Variants in ARMH3 observed in about 807,000 individuals in gnomAD.
ARMH3 encodes armadillo like helical domain containing 3, also known as armadillo-like helical domain-containing protein 3.
Under a neutral mutation model 99.1 loss-of-function variants are expected in ARMH3, and 60 were observed. The ratio of observed to expected loss-of-function variants is 0.61; its 90% CI spans 0.49 to 0.75. The LOEUF (loss-of-function observed/expected upper bound fraction) is 0.75. ARMH3 is among the 30% of genes least tolerant of loss of function. The pLI is 0.00. For missense variants in ARMH3, 679 were observed against 843.1 expected (o/e 0.81, Z 2.41); for synonymous variants, 285 against 292.8 (o/e 0.97, Z 0.27).
chr10:102,011,013 C>G (rs932520701), intron 11 of ARMH3, among the ~76,000 whole-genome samples: 1 of 152,130 alleles, frequency 6.6e-6, no homozygotes, highest in African/African-American at 2.4e-5. Flanking sequence ...TGCCCTAGAG[C>G]TGAATACTTG....
Position 102,013,839 on chromosome 10 carries a change from A to G in ARMH3, c.726+129T>C, listed in dbSNP as rs919656024. On this transcript the variant is annotated intron_variant, in intron 9 of 25. Transcript: ENST00000370033. ...ACTGACGCACTAAAAAGAAATATTA[A>G]TTCCCTCTCTATAACCGGATGAAAT... 8.0e-6 allele frequency: 6 copies of G among 750,438 alleles called. No homozygotes were observed. The African/African-American group carries it at 1.1e-4, about 13-fold the overall frequency. 46.5% of individuals were successfully genotyped at this position (750,438 alleles called of 1,614,324 possible). A position where few individuals can be genotyped will look rare whatever the true frequency, so the allele number is the denominator to read the frequency against.
At chr10:102,043,866 T>C (rs1471284085) in intron 1 of ARMH3, among the ~76,000 whole-genome samples, 2 of 152,204 alleles carry the variant, frequency 1.3e-5, no homozygotes, top group Non-Finnish European at 2.9e-5. Context: ...CCTGAAAGAC[T>C]GTTAGTCACG....
chr10:101,857,832 T>C (rs1484833540), intron 24 of ARMH3, among the ~76,000 whole-genome samples: 1 of 152,210 alleles, frequency 6.6e-6, no homozygotes, highest in Non-Finnish European at 1.5e-5. Context: ...TTATTTCCTC[T>C]GAAAGGACTA....
At chr10:102,020,551 T>G (rs979246028) in intron 8 of ARMH3, among the ~76,000 whole-genome samples, 1 of 151,782 alleles carries the variant, frequency 6.6e-6, no homozygotes, top group African/African-American at 2.4e-5. Flanking sequence ...CCAGGCGTGG[T>G]GGCGGGCGCC....
intron 13 of ARMH3, among the ~76,000 whole-genome samples, chr10:102,008,484 C>T (rs1170233313): frequency 6.6e-6 from 1 of 151,940 alleles, no homozygotes; most frequent in African/African-American, 2.4e-5. Flanking sequence ...GGCATGTGAC[C>T]CATCGCTCAG....
chr10:102,025,412 C>A (rs2066979178), intron 5 of ARMH3, among the ~76,000 whole-genome samples, 164 bp from the exon 6 acceptor site: 1 of 152,242 alleles, frequency 6.6e-6, no homozygotes, highest in South Asian at 2.1e-4. Context: ...AAAGGAGGAC[C>A]TTTTTCTCAG....
intron 23 of ARMH3, among the ~76,000 whole-genome samples, chr10:101,898,603 G>C (rs1295948293): frequency 6.6e-6 from 1 of 152,194 alleles, no homozygotes; most frequent in Non-Finnish European, 1.5e-5. Flanking sequence ...AGGCAGAACA[G>C]GGAAAAACAA....
intron 20 of ARMH3, among the ~76,000 whole-genome samples, chr10:101,968,898 C>T (rs1310422234): frequency 6.6e-6 from 1 of 152,100 alleles, no homozygotes; most frequent in Admixed American, 6.5e-5. Context: ...CCTTCTAATG[C>T]CCCTGAATTA....
At position 101,944,259 on chromosome 10, in the gene ARMH3, TATATATATATATATAGAGAGAGAGAG is replaced by T. The variant is rs1374787962; in HGVS notation, c.1706-4347_1706-4322del. On this transcript the variant is annotated intron_variant, in intron 22 of 25. Transcript: ENST00000370033. ...GCTTGAGCCTATATATATATATATATATATATATATATATAGAGAGAGAGAGAGAGAGAGAGAGAGAGAGAGAGAGA... is the reference window on the plus strand; with the variant it reads ...GCTTGAGCCTATATATATATATATATAGAGAGAGAGAGAGAGAGAGAGAGA... 3.6e-4 allele frequency among the ~76,000 whole-genome samples: 24 copies of T among 65,950 alleles called. No homozygotes were observed. The East Asian group carries it at 7.6e-3, about 21-fold the overall frequency. The allele number at this position is 65,950 out of a possible 152,430, so 43.3% of individuals were successfully genotyped here. A position where few individuals can be genotyped will look rare whatever the true frequency, so the allele number is the denominator to read the frequency against.
Position 102,017,419 on chromosome 10 carries a change from T to C in ARMH3, c.670-3395A>G, listed in dbSNP as rs147224467. ...ATGATTCTCTCCAGTTCCTTGGCCATGTCCAATATTTCAGACTGACATTTC... is the reference window on the plus strand; with the variant it reads ...ATGATTCTCTCCAGTTCCTTGGCCACGTCCAATATTTCAGACTGACATTTC... On this transcript the variant is annotated intron_variant, in intron 8 of 25. Transcript: ENST00000370033. Among the ~76,000 whole-genome samples the C allele has an allele frequency of 8.5e-5, 13 of 152,316 alleles. No homozygotes were observed. In the East Asian group the frequency reaches 2.3e-3, roughly 27 times the overall value.
intron 6 of ARMH3, among the ~76,000 whole-genome samples, chr10:102,024,826 A>T (rs1193606671): frequency 1.3e-5 from 2 of 152,130 alleles, no homozygotes; most frequent in Admixed American, 6.5e-5. Context: ...CTCAAAAAAA[A>T]AAAAAAAAAT....
At chr10:101,962,779 A>G (rs1468341848) in intron 20 of ARMH3, among the ~76,000 whole-genome samples, 1 of 152,176 alleles carries the variant, frequency 6.6e-6, no homozygotes, top group Non-Finnish European at 1.5e-5. Context: ...GCTGAGGTCT[A>G]TGAAACTGTA....
intron 1 of ARMH3, among the ~76,000 whole-genome samples, chr10:102,046,963 T>G (rs1319032053): frequency 6.6e-6 from 1 of 152,142 alleles, no homozygotes; most frequent in Non-Finnish European, 1.5e-5. Context: ...GGTGCCATGG[T>G]AGAAAGTAAA....
Position 102,009,598 on chromosome 10 carries a change from G to A in ARMH3, c.879-149C>T, listed in dbSNP as rs184639782. 562 of 730,760 alleles carry A rather than the reference G, an allele frequency of 7.7e-4. 3 individuals are homozygous for A. The highest frequency in any genetic ancestry group is 3.5e-4 in the Non-Finnish European group (154 of 435,926). The allele number at this position is 730,760 out of a possible 1,614,324, so 45.3% of individuals were successfully genotyped here. A position where few individuals can be genotyped will look rare whatever the true frequency, so the allele number is the denominator to read the frequency against. ...GTTCCCCTTTACTTGCCATTTGGGC[G>A]TATGCAAAAGTGTATAGGCAGGAGT... is the stretch of plus-strand genomic sequence containing the variant. On this transcript the variant is annotated intron_variant, in intron 12 of 25. Coordinates refer to ENST00000370033, the MANE Select transcript of ARMH3 (RefSeq NM_024541.3).
chr10:102,025,808 C>G (rs997769292), intron 5 of ARMH3, among the ~76,000 whole-genome samples: 8 of 152,062 alleles, frequency 5.3e-5, no homozygotes, highest in African/African-American at 1.9e-4. Flanking sequence ...TGCCACCACA[C>G]CCAGGTTTTT....
intron 20 of ARMH3, among the ~76,000 whole-genome samples, chr10:101,971,211 T>C (rs941572717): frequency 6.6e-6 from 1 of 151,886 alleles, no homozygotes; most frequent in Non-Finnish European, 1.5e-5. Flanking sequence ...CAAAATGGTC[T>C]ATAGCCTCAA....
intron 8 of ARMH3, among the ~76,000 whole-genome samples, chr10:102,017,081 C>G (rs988224427): frequency 3.3e-5 from 5 of 152,192 alleles, no homozygotes; most frequent in African/African-American, 1.2e-4. Context: ...AAGGTTACAA[C>G]TTACCCCATT....
chr10:101,857,890 C>A (rs1366353336), intron 24 of ARMH3, among the ~76,000 whole-genome samples: 1 of 152,194 alleles, frequency 6.6e-6, no homozygotes, highest in Non-Finnish European at 1.5e-5. Flanking sequence ...CAGGCCTTTC[C>A]CAGAACTGGT....
chr10:101,942,700 A>G (rs1332227026), intron 22 of ARMH3, among the ~76,000 whole-genome samples: 2 of 152,074 alleles, frequency 1.3e-5, no homozygotes, highest in Non-Finnish European at 2.9e-5. Flanking sequence ...CATCTCTACT[A>G]AAGATACAAA....
Sources: gnomAD v4.1 joint callset for allele counts (sites outside exome capture counted in the v4.1 genomes callset) on GRCh38, gnomAD v4.1.1 for gene constraint, MANE v1.5 for transcripts, NCBI Gene and HGNC (gene_info 2026-07-23, HGNC 2026-07-21) for gene names.